TRERF1: variants seen among roughly 807,000 people sequenced by gnomAD.
TRERF1 encodes the protein transcriptional-regulating factor 1.
Under a neutral mutation model 122.9 loss-of-function variants are expected in TRERF1, and 27 were observed. The ratio of observed to expected loss-of-function variants is 0.22; its 90% CI spans 0.16 to 0.30. The LOEUF (loss-of-function observed/expected upper bound fraction) is 0.30, where lower values mean the gene tolerates loss of function less well. Among genes scored for constraint, TRERF1 ranks in the 10% least tolerant of loss-of-function variants. The pLI is 1.00. For missense variants in TRERF1, 1,248 were observed against 1,560.3 expected (o/e 0.80, Z 3.37); for synonymous variants, 636 against 641.7 (o/e 0.99, Z 0.13).
intron 3 of TRERF1, among the ~76,000 whole-genome samples, chr6:42,311,108 G>A (rs976284876): frequency 6.6e-6 from 1 of 152,180 alleles, no homozygotes; most frequent in Admixed American, 6.5e-5. Flanking sequence ...AACACAGCAG[G>A]AAACAAATAA....
chr6:42,406,014 G>A (rs1780134150), intron 2 of TRERF1, among the ~76,000 whole-genome samples: 1 of 152,112 alleles, frequency 6.6e-6, no homozygotes, highest in African/African-American at 2.4e-5. Flanking sequence ...AACAAGAGCA[G>A]CAGCTAGTGT....
intron 3 of TRERF1, among the ~76,000 whole-genome samples, chr6:42,333,796 C>A (rs969051426): frequency 6.6e-6 from 1 of 152,176 alleles, no homozygotes; most frequent in Non-Finnish European, 1.5e-5. Context: ...GAGGAAATTG[C>A]CCCACAGACT....
chr6:42,423,452 A>G (rs1783106937), intron 2 of TRERF1, among the ~76,000 whole-genome samples: 1 of 152,106 alleles, frequency 6.6e-6, no homozygotes, highest in African/African-American at 2.4e-5. Context: ...TCACCCAGCC[A>G]CATCTACGTC....
intron 2 of TRERF1, among the ~76,000 whole-genome samples, chr6:42,428,580 G>A (rs1214438068): frequency 6.6e-6 from 1 of 152,210 alleles, no homozygotes; most frequent in African/African-American, 2.4e-5. Context: ...CTGACAGTCT[G>A]TCAATAATTC....
intron 15 of TRERF1, among the ~76,000 whole-genome samples, chr6:42,238,834 T>TAC (rs1561800049): frequency 0.012 from 811 of 69,554 alleles, 9 homozygotes; most frequent in African/African-American, 0.032. Flanking sequence ...AATCATGCAT[T>TAC]TCACACACAC....
chr6:42,358,555 G>A (rs1414669925), intron 3 of TRERF1, among the ~76,000 whole-genome samples: 1 of 152,212 alleles, frequency 6.6e-6, no homozygotes, highest in Non-Finnish European at 1.5e-5. Flanking sequence ...CCTTGGTGGA[G>A]TTTTCACAGG....
At chr6:42,298,882 G>A (rs1310218581) in intron 4 of TRERF1, among the ~76,000 whole-genome samples, 1 of 152,106 alleles carries the variant, frequency 6.6e-6, no homozygotes, top group Non-Finnish European at 1.5e-5. Flanking sequence ...GCAGGTTGCA[G>A]GGAGCCAAGA....
intron 2 of TRERF1, among the ~76,000 whole-genome samples, chr6:42,381,452 A>G (rs1775908002): frequency 6.6e-6 from 1 of 151,982 alleles, no homozygotes. Context: ...GCTGAATGAA[A>G]AGAAATTAAA....
intron 16 of TRERF1, among the ~76,000 whole-genome samples, chr6:42,233,516 A>T (rs556094059): frequency 1.3e-5 from 2 of 151,676 alleles, no homozygotes; most frequent in South Asian, 4.2e-4. Context: ...CGATCTCCTG[A>T]CCTTGTGATC....
At chr6:42,243,442 T>C in intron 14 of TRERF1, 81 bp from the exon 15 acceptor site, 2 of 990,408 alleles carry the variant, frequency 2.0e-6, no homozygotes, top group Non-Finnish European at 3.2e-6. Flanking sequence ...TATTTAATTT[T>C]GTAATAGGGT....
intron 4 of TRERF1, among the ~76,000 whole-genome samples, chr6:42,279,525 A>G (rs886651719): frequency 4.6e-5 from 7 of 152,192 alleles, no homozygotes; most frequent in African/African-American, 1.7e-4. Flanking sequence ...CTACAGCCTC[A>G]GAGTGAATTA....
At chr6:42,400,683 G>A (rs1189077981) in intron 2 of TRERF1, among the ~76,000 whole-genome samples, 4 of 152,146 alleles carry the variant, frequency 2.6e-5, no homozygotes, top group African/African-American at 9.7e-5. Flanking sequence ...CACAAAGCTG[G>A]GGATGGGAGA....
At chr6:42,321,781 A>G (rs1763501402) in intron 3 of TRERF1, among the ~76,000 whole-genome samples, 1 of 152,232 alleles carries the variant, frequency 6.6e-6, no homozygotes, top group African/African-American at 2.4e-5. Flanking sequence ...CTTTTATAAA[A>G]AAAACTCTAC....
chr6:42,299,899 T>C (rs1304795788), intron 4 of TRERF1, among the ~76,000 whole-genome samples: 1 of 152,212 alleles, frequency 6.6e-6, no homozygotes, highest in Admixed American at 6.5e-5. Context: ...GGTGAATGAA[T>C]GATTCTCTAC....
At chr6:42,361,644 T>C (rs1771791910) in intron 3 of TRERF1, among the ~76,000 whole-genome samples, 1 of 152,184 alleles carries the variant, frequency 6.6e-6, no homozygotes, top group Admixed American at 6.5e-5. Flanking sequence ...GACCTCACAA[T>C]GCAAAGTTTC....
chr6:42,430,038 C>A (rs1784251105), intron 2 of TRERF1, among the ~76,000 whole-genome samples: 1 of 151,678 alleles, frequency 6.6e-6, no homozygotes, highest in African/African-American at 2.4e-5. Flanking sequence ...TGTGCAAAGG[C>A]CCTGAGGCAA....
At chr6:42,370,162 G>A (rs576489927) in intron 2 of TRERF1, among the ~76,000 whole-genome samples, 129 of 152,230 alleles carry the variant, frequency 8.5e-4, no homozygotes, top group African/African-American at 3.0e-3. Flanking sequence ...CCTACCATTC[G>A]AATTTGGGAA....
In TRERF1 at chr6:42,330,726, G is replaced by A. The variant is rs574504910; in HGVS notation, c.-370-29977C>T. Among the ~76,000 whole-genome samples the A allele has an allele frequency of 4.6e-4, 70 of 152,258 alleles. No homozygotes were observed. In the South Asian group the frequency reaches 7.5e-3, roughly 16 times the overall value. ...TCTTTGCCTAGGCTGGAGTGCAGTG[G>A]CATAATCTTGGCTTACTGCAGTCTC... On this transcript the variant is annotated intron_variant, in intron 3 of 17. Transcript: ENST00000372922.
At chr6:42,374,385 G>A (rs746308085) in intron 2 of TRERF1, among the ~76,000 whole-genome samples, 11 of 152,014 alleles carry the variant, frequency 7.2e-5, no homozygotes, top group Non-Finnish European at 1.3e-4. Context: ...GTTGTGTCTC[G>A]TCACCATCAC....
Sources: allele counts gnomAD v4.1 joint callset (sites outside exome capture counted in the v4.1 genomes callset), GRCh38; gene constraint gnomAD v4.1.1; transcripts MANE v1.5; gene names NCBI Gene and HGNC (gene_info 2026-07-23, HGNC 2026-07-21).